Variants in CNTN4 observed in about 807,000 individuals in gnomAD.
CNTN4 encodes the protein contactin-4.
In CNTN4, 77 loss-of-function variants were observed where a neutral mutation model predicts 122.5. The observed-to-expected ratio is 0.63, with a 90% CI of 0.52 to 0.76. The LOEUF (loss-of-function observed/expected upper bound fraction) is 0.76. Ranked by LOEUF, CNTN4 falls within the 30% of genes least tolerant of loss-of-function variation. The pLI is 0.00. For missense variants in CNTN4, 1,256 were observed against 1,259.1 expected, an observed-to-expected ratio of 1.00 and a Z score of 0.04; for synonymous variants, 512 against 447.0, an observed-to-expected ratio of 1.15 and a Z score of -1.83.
intron 2 of CNTN4, among the ~76,000 whole-genome samples, chr3:2,112,168 G>C (rs1352195687): frequency 6.6e-6 from 1 of 152,070 alleles, no homozygotes; most frequent in Non-Finnish European, 1.5e-5. Flanking sequence ...TAGAAAGAAT[G>C]AATTACTGAA....
chr3:2,431,906 T>A (rs2048087641), intron 3 of CNTN4, among the ~76,000 whole-genome samples: 1 of 152,094 alleles, frequency 6.6e-6, no homozygotes, highest in Non-Finnish European at 1.5e-5. Context: ...AAGAGAGAGT[T>A]GGGTGAATAA....
chr3:2,615,136 A>G (rs1386960169), intron 4 of CNTN4, among the ~76,000 whole-genome samples: 1 of 152,224 alleles, frequency 6.6e-6, no homozygotes, highest in Non-Finnish European at 1.5e-5. Context: ...TTGGGTTAGC[A>G]ATAAAATTCT....
intron 7 of CNTN4, among the ~76,000 whole-genome samples, chr3:2,865,146 G>T (rs1006039760): frequency 5.3e-5 from 8 of 152,094 alleles, no homozygotes; most frequent in Admixed American, 1.3e-4. Flanking sequence ...CACCAGCATG[G>T]GGTTACTTGT....
At chr3:2,595,963 G>T (rs1206290630) in intron 4 of CNTN4, among the ~76,000 whole-genome samples, 1 of 152,130 alleles carries the variant, frequency 6.6e-6, no homozygotes, top group Non-Finnish European at 1.5e-5. Context: ...ACTAGTACTG[G>T]ATAAAACAAG....
chr3:2,742,221 C>T (rs1449841340), intron 5 of CNTN4, among the ~76,000 whole-genome samples: 1 of 152,174 alleles, frequency 6.6e-6, no homozygotes, highest in Non-Finnish European at 1.5e-5. Context: ...CGCAACTGAC[C>T]TCTCTTCTTT....
chr3:2,644,227 G>A (rs2083019231), intron 4 of CNTN4, among the ~76,000 whole-genome samples: 1 of 152,196 alleles, frequency 6.6e-6, no homozygotes, highest in Admixed American at 6.5e-5. Context: ...AAGGAACTTG[G>A]TCATAGATGC....
At chr3:3,040,340 C>A in intron 20 of CNTN4, 69 bp downstream of exon 20, 1 of 1,189,588 alleles carries the variant, frequency 8.4e-7, no homozygotes, top group Non-Finnish European at 1.2e-6. Flanking sequence ...GATTGTAGCA[C>A]GTACAATCAA....
chr3:2,194,985 T>G (rs557753575), intron 2 of CNTN4, among the ~76,000 whole-genome samples: 1 of 152,296 alleles, frequency 6.6e-6, no homozygotes, highest in African/African-American at 2.4e-5. Flanking sequence ...TAGATTGTAG[T>G]CACCTTGCTG....
intron 13 of CNTN4, among the ~76,000 whole-genome samples, chr3:2,968,319 G>A (rs553117259): frequency 1.1e-4 from 17 of 152,152 alleles, no homozygotes; most frequent in Middle Eastern, 3.4e-3. Context: ...CCAAAGAAGC[G>A]CATCAAAACC....
chr3:2,522,183 G>A (rs532249580), intron 3 of CNTN4, among the ~76,000 whole-genome samples: 232 of 148,282 alleles, frequency 1.6e-3, no homozygotes, highest in Middle Eastern at 6.9e-3. Context: ...GTGTGTGTGT[G>A]TGTGTGTGAA....
chr3:2,772,553 A>T (rs1050563054), intron 6 of CNTN4, among the ~76,000 whole-genome samples: 1 of 152,196 alleles, frequency 6.6e-6, no homozygotes, highest in Admixed American at 6.5e-5. Context: ...ACTTTAAGAC[A>T]TACCAAGTTG....
At chr3:2,166,055 T>C (rs1163384417) in intron 2 of CNTN4, among the ~76,000 whole-genome samples, 3 of 152,220 alleles carry the variant, frequency 2.0e-5, no homozygotes, top group Admixed American at 2.0e-4. Flanking sequence ...TTATTTCTTT[T>C]GGATATATAC....
At chr3:2,354,765 A>G (rs1285902174) in intron 3 of CNTN4, among the ~76,000 whole-genome samples, 2 of 152,186 alleles carry the variant, frequency 1.3e-5, no homozygotes, top group East Asian at 3.9e-4. Flanking sequence ...GATTGCTTAC[A>G]CGGGTTTCTG....
chr3:2,254,357 G>T (rs569326724), intron 2 of CNTN4, among the ~76,000 whole-genome samples: 3 of 152,112 alleles, frequency 2.0e-5, no homozygotes, highest in African/African-American at 7.2e-5. Flanking sequence ...ACATACATGC[G>T]CATGTGTCAT....
At chr3:2,251,641 C>T (rs2040383354) in intron 2 of CNTN4, among the ~76,000 whole-genome samples, 1 of 151,558 alleles carries the variant, frequency 6.6e-6, no homozygotes, top group South Asian at 2.1e-4. Flanking sequence ...TTAATTTAGC[C>T]CTTATTATAA....
At chr3:2,989,664 A>G (rs753502398) in intron 14 of CNTN4, among the ~76,000 whole-genome samples, 6 of 152,200 alleles carry the variant, frequency 3.9e-5, no homozygotes, top group East Asian at 1.9e-4. Context: ...ATTGATTACA[A>G]CTATTTCAGT....
At chr3:2,579,817 G>T (rs190980641) in intron 4 of CNTN4, among the ~76,000 whole-genome samples, 1 of 152,198 alleles carries the variant, frequency 6.6e-6, no homozygotes, top group Non-Finnish European at 1.5e-5. Context: ...TAGTTTGAAG[G>T]TAAACATAGT....
chr3:2,878,206 G>C (rs2093867364), intron 8 of CNTN4, among the ~76,000 whole-genome samples: 1 of 152,066 alleles, frequency 6.6e-6, no homozygotes, highest in Non-Finnish European at 1.5e-5. Flanking sequence ...ATGGATCACT[G>C]TGTATCAATC....
At chr3:2,915,966 T>A (rs2094349252) in intron 12 of CNTN4, among the ~76,000 whole-genome samples, 1 of 152,234 alleles carries the variant, frequency 6.6e-6, no homozygotes, top group African/African-American at 2.4e-5. Flanking sequence ...TTGTGAGATG[T>A]CTAACATAGT....
Sources: allele counts gnomAD v4.1 joint callset (sites outside exome capture counted in the v4.1 genomes callset), GRCh38; gene constraint gnomAD v4.1.1; transcripts MANE v1.5; gene names NCBI Gene and HGNC (gene_info 2026-07-23, HGNC 2026-07-21).